Variants in MICU1 observed in about 807,000 individuals in gnomAD.
MICU1 encodes mitochondrial calcium uptake 1, also known as calcium uptake protein 1, mitochondrial.
Under a neutral mutation model 56.8 loss-of-function variants are expected in MICU1, and 45 were observed. The observed-to-expected ratio is 0.79, with a 90% confidence interval of 0.62 to 1.02. MICU1 has a LOEUF of 1.02. Ranked by LOEUF, MICU1 falls within the 50% of genes least tolerant of loss-of-function variation. The pLI is 0.00. For synonymous variants in MICU1, 186 were observed against 195.1 expected (o/e 0.95, Z 0.39); for missense variants, 504 against 587.1 (o/e 0.86, Z 1.46).
chr10:72,542,816 G>A (rs1839807076), intron 4 of MICU1, among the ~76,000 whole-genome samples: 1 of 152,192 alleles, frequency 6.6e-6, no homozygotes, highest in Admixed American at 6.5e-5. Flanking sequence ...GAAAATTGAG[G>A]TCGCACGAAC....
chr10:72,535,205 T>C lies in MICU1; in HGVS notation c.494-1416A>G, dbSNP rs1456602209. Among the ~76,000 whole-genome samples, 6 of 151,596 alleles carry C rather than the reference T, an allele frequency of 4.0e-5. No individual in the cohort carries two copies. In the East Asian group the frequency reaches 1.2e-3, roughly 29 times the overall value. On this transcript the variant is annotated intron_variant, in intron 4 of 11. Coordinates refer to ENST00000361114, the MANE Select transcript of MICU1 (RefSeq NM_001195518.2). Reference sequence around the variant, plus strand: ...CCACGATACCTGTCTGATTTTTGTATTTTTAGTAAAGATGGGGTTTTGCCA... The same window carrying C: ...CCACGATACCTGTCTGATTTTTGTACTTTTAGTAAAGATGGGGTTTTGCCA...
chr10:72,609,646 A>G (rs546613419), intron 1 of MICU1, among the ~76,000 whole-genome samples: 2 of 150,976 alleles, frequency 1.3e-5, no homozygotes, highest in East Asian at 3.9e-4. Context: ...AGGCAGGAGA[A>G]TGGTGTGAAC....
At chr10:72,536,942 A>G (rs189660205) in intron 4 of MICU1, among the ~76,000 whole-genome samples, 22 of 152,356 alleles carry the variant, frequency 1.4e-4, no homozygotes, top group African/African-American at 5.0e-4. Context: ...AATACCCAGA[A>G]TAACTCAAAA....
chr10:72,595,759 T>C (rs1841362760), intron 1 of MICU1, among the ~76,000 whole-genome samples: 1 of 152,154 alleles, frequency 6.6e-6, no homozygotes, highest in Non-Finnish European at 1.5e-5. Context: ...TCTCAATTTC[T>C]AGAAAAGATT....
intron 1 of MICU1, among the ~76,000 whole-genome samples, chr10:72,599,626 T>C (rs1023624869): frequency 1.3e-5 from 2 of 152,150 alleles, no homozygotes; most frequent in African/African-American, 4.8e-5. Context: ...TTCAGATTTG[T>C]TAAAGAGAAA....
chr10:72,589,742 T>G (rs143637787), intron 1 of MICU1, among the ~76,000 whole-genome samples: 51 of 152,066 alleles, frequency 3.4e-4, no homozygotes, highest in African/African-American at 9.4e-4. Flanking sequence ...CTGAAATACA[T>G]AAAGAAATTT....
chr10:72,514,013 T>A (rs1386772714), intron 5 of MICU1, among the ~76,000 whole-genome samples: 2 of 150,786 alleles, frequency 1.3e-5, no homozygotes, highest in African/African-American at 5.0e-5. Flanking sequence ...TCTTCAGCTC[T>A]GTGCATTTTT....
intron 8 of MICU1, 66 bp downstream of exon 8, chr10:72,475,023 AAGAATGCCTAT>A (rs1198225652): frequency 3.2e-6 from 4 of 1,268,168 alleles, no homozygotes; most frequent in Non-Finnish European, 4.3e-6. Flanking sequence ...GGTAAATGGA[AAGAATGCCTAT>A]AGTACAGGCC....
intron 10 of MICU1, among the ~76,000 whole-genome samples, chr10:72,399,719 T>C (rs1232864861): frequency 6.6e-6 from 1 of 152,070 alleles, no homozygotes; most frequent in East Asian, 1.9e-4. Flanking sequence ...TCCCAGCACT[T>C]TGGGAGACCA....
At chr10:72,514,271 T>TA (rs1011506407) in intron 5 of MICU1, among the ~76,000 whole-genome samples, 29 of 152,210 alleles carry the variant, frequency 1.9e-4, no homozygotes, top group Non-Finnish European at 3.2e-4. Context: ...AACTATACTT[T>TA]AGGCAGTTGA....
chr10:72,588,828 A>G (rs975829614), intron 1 of MICU1, among the ~76,000 whole-genome samples: 1 of 151,872 alleles, frequency 6.6e-6, no homozygotes, highest in Non-Finnish European at 1.5e-5. Flanking sequence ...GTCTTTAGAC[A>G]TTAACAAGCT....
At chr10:72,563,099 A>T in intron 2 of MICU1, 36 bp from the exon 3 acceptor site, 1 of 1,444,082 alleles carries the variant, frequency 6.9e-7, no homozygotes. Flanking sequence ...ATTAATCTTG[A>T]ACGTCCATCA....
At chr10:72,436,200 C>T (rs1864711849) in intron 8 of MICU1, among the ~76,000 whole-genome samples, 2 of 152,206 alleles carry the variant, frequency 1.3e-5, no homozygotes, top group African/African-American at 4.8e-5. Flanking sequence ...GAGGAAGGAT[C>T]AGGCAGCAAT....
intron 6 of MICU1, among the ~76,000 whole-genome samples, chr10:72,487,144 A>G (rs1361144682): frequency 6.6e-6 from 1 of 152,196 alleles, no homozygotes; most frequent in African/African-American, 2.4e-5. Context: ...GATGTTGAAG[A>G]TGAAGCCCAC....
intron 1 of MICU1, among the ~76,000 whole-genome samples, chr10:72,614,212 T>A (rs1286217236): frequency 5.7e-4 from 86 of 150,294 alleles, no homozygotes; most frequent in African/African-American, 2.0e-3. Context: ...TACTTAAATT[T>A]TAAAAAAAAA....
At chr10:72,625,514 A>G (rs1842206420) in intron 1 of MICU1, among the ~76,000 whole-genome samples, 1 of 152,240 alleles carries the variant, frequency 6.6e-6, no homozygotes, top group Non-Finnish European at 1.5e-5. Flanking sequence ...AAAACTGAAC[A>G]GTCCGAGTAG....
chr10:72,576,225 C>CCCAA, intron 1 of MICU1, among the ~76,000 whole-genome samples: 1 of 68,202 alleles, frequency 1.5e-5, no homozygotes, highest in Admixed American at 2.0e-4. Flanking sequence ...AAAAAAACAC[C>CCCAA]AAAAAAAAAA....
chr10:72,608,578 T>C (rs1841755375), intron 1 of MICU1, among the ~76,000 whole-genome samples: 1 of 152,188 alleles, frequency 6.6e-6, no homozygotes, highest in South Asian at 2.1e-4. Context: ...ACAGAGTATC[T>C]ATTATAAAAA....
chr10:72,401,047 C>T (rs749124501), intron 10 of MICU1, among the ~76,000 whole-genome samples: 2 of 152,114 alleles, frequency 1.3e-5, no homozygotes, highest in Non-Finnish European at 2.9e-5. Flanking sequence ...AGAGATCCTC[C>T]TGCCTCAGCC....
Sources: gnomAD v4.1 joint callset for allele counts (sites outside exome capture counted in the v4.1 genomes callset) on GRCh38, gnomAD v4.1.1 for gene constraint, MANE v1.5 for transcripts, NCBI Gene and HGNC (gene_info 2026-07-23, HGNC 2026-07-21) for gene names.